Variants in DCC observed in about 807,000 individuals in gnomAD.
DCC encodes DCC netrin 1 receptor, also known as netrin receptor DCC.
A neutral mutation model predicts 172.5 loss-of-function variants in DCC; 58 were observed. That is an observed-to-expected ratio of 0.34 (90% CI 0.27 to 0.42). The LOEUF (loss-of-function observed/expected upper bound fraction) is 0.42. Among genes scored for constraint, DCC ranks in the 10% least tolerant of loss-of-function variants. DCC has a pLI of 1.00. For synonymous variants in DCC, 709 were observed against 644.5 expected, an observed-to-expected ratio of 1.10 and a Z score of -1.52; for missense variants, 1,740 against 1,791.0, an observed-to-expected ratio of 0.97 and a Z score of 0.51.
chr18:52,939,386 T>A (rs369793447), intron 5 of DCC, among the ~76,000 whole-genome samples: 1 of 152,216 alleles, frequency 6.6e-6, no homozygotes, highest in South Asian at 2.1e-4. Flanking sequence ...GTATAACTTA[T>A]CACAGTCTGT....
intron 1 of DCC, among the ~76,000 whole-genome samples, chr18:52,715,039 G>T (rs541927526): frequency 6.6e-6 from 1 of 152,254 alleles, no homozygotes; most frequent in East Asian, 1.9e-4. Flanking sequence ...TGGACTAGCA[G>T]TTAGGAGTAC....
intron 1 of DCC, among the ~76,000 whole-genome samples, chr18:52,676,520 C>A (rs1219676326): frequency 6.6e-6 from 1 of 152,112 alleles, no homozygotes; most frequent in African/African-American, 2.4e-5. Context: ...ACAAACAAGT[C>A]CTAGCTCCTA....
intron 1 of DCC, among the ~76,000 whole-genome samples, chr18:52,430,723 G>T (rs1468453783): frequency 6.6e-6 from 1 of 152,126 alleles, no homozygotes; most frequent in Admixed American, 6.5e-5. Flanking sequence ...TTCCAATAGG[G>T]AATTTCCTAT....
intron 1 of DCC, among the ~76,000 whole-genome samples, chr18:52,532,272 A>T (rs753742265): frequency 1.2e-4 from 19 of 152,202 alleles, no homozygotes; most frequent in Non-Finnish European, 2.4e-4. Context: ...TTTGCATGTG[A>T]TTAATGTGAG....
intron 1 of DCC, among the ~76,000 whole-genome samples, chr18:52,489,831 G>A (rs530055440): frequency 1.3e-4 from 20 of 152,144 alleles, no homozygotes; most frequent in African/African-American, 3.9e-4. Flanking sequence ...TCTAAGACCC[G>A]ACACCACTCA....
chr18:53,318,899 C>T (rs188362013), intron 13 of DCC, among the ~76,000 whole-genome samples: 36 of 152,156 alleles, frequency 2.4e-4, no homozygotes, highest in Non-Finnish European at 4.4e-4. Context: ...GCCCATCAGA[C>T]TAATAGCAGA....
At chr18:52,503,461 A>C (rs762049074) in intron 1 of DCC, among the ~76,000 whole-genome samples, 1 of 152,182 alleles carries the variant, frequency 6.6e-6, no homozygotes, top group Non-Finnish European at 1.5e-5. Context: ...CAATATATTT[A>C]TACATAGATA....
intron 1 of DCC, among the ~76,000 whole-genome samples, chr18:52,442,733 A>T (rs1242575880): frequency 6.6e-6 from 1 of 152,264 alleles, no homozygotes; most frequent in Non-Finnish European, 1.5e-5. Context: ...ATAAGGCTGC[A>T]GAACTTACTA....
intron 7 of DCC, among the ~76,000 whole-genome samples, chr18:53,101,749 A>G (rs2043174787): frequency 6.6e-6 from 1 of 151,930 alleles, no homozygotes; most frequent in African/African-American, 2.4e-5. Flanking sequence ...AGATGCCATC[A>G]AGGTTCTGGT....
intron 15 of DCC, among the ~76,000 whole-genome samples, chr18:53,373,377 CCT>C (rs1568089483): frequency 6.6e-6 from 1 of 151,836 alleles, no homozygotes; most frequent in East Asian, 1.9e-4. Context: ...GTTTTTATCC[CCT>C]CTCTCTCCTC....
At chr18:52,926,861 GTATA>G (rs1389144331) in intron 5 of DCC, among the ~76,000 whole-genome samples, 2 of 143,204 alleles carry the variant, frequency 1.4e-5, no homozygotes, top group Non-Finnish European at 3.1e-5. Context: ...ACGTGTGTGT[GTATA>G]TATACATATA....
chr18:53,128,335 G>A (rs2043595804), intron 7 of DCC, among the ~76,000 whole-genome samples: 1 of 152,058 alleles, frequency 6.6e-6, no homozygotes, highest in African/African-American at 2.4e-5. Context: ...TTGAAGAGAT[G>A]TTGCATAGAA....
chr18:53,160,257 A>G (rs529991291), intron 8 of DCC, among the ~76,000 whole-genome samples: 73 of 152,062 alleles, frequency 4.8e-4, no homozygotes, highest in African/African-American at 1.4e-3. Context: ...GCAACCTCTC[A>G]TTATCTGAGT....
At chr18:52,393,937 A>G (rs145200822) in intron 1 of DCC, among the ~76,000 whole-genome samples, 3 of 152,008 alleles carry the variant, frequency 2.0e-5, no homozygotes, top group Non-Finnish European at 2.9e-5. Flanking sequence ...TGTTTCCTAA[A>G]TGCGTATTTT....
At chr18:52,537,236 T>C (rs1192218445) in intron 1 of DCC, among the ~76,000 whole-genome samples, 1 of 152,110 alleles carries the variant, frequency 6.6e-6, no homozygotes, top group Non-Finnish European at 1.5e-5. Flanking sequence ...AATAAATAAA[T>C]AAATGCAGTA....
intron 12 of DCC, among the ~76,000 whole-genome samples, chr18:53,288,434 T>G (rs1391681476): frequency 6.6e-6 from 1 of 152,122 alleles, no homozygotes; most frequent in African/African-American, 2.4e-5. Context: ...GTTGCATAAT[T>G]GAGGGAAAAT....
chr18:53,518,955 A>AG (rs955385551), intron 27 of DCC, among the ~76,000 whole-genome samples: 3 of 152,170 alleles, frequency 2.0e-5, no homozygotes, highest in African/African-American at 7.2e-5. Context: ...AATAATTTTA[A>AG]GAAAAAAATG....
chr18:53,205,487 T>C (rs1376761843), intron 10 of DCC, 123 bp downstream of exon 10: 12 of 922,608 alleles, frequency 1.3e-5, no homozygotes, highest in Non-Finnish European at 2.2e-5. Flanking sequence ...TGTTAACACA[T>C]TCATTGAAAA....
intron 1 of DCC, among the ~76,000 whole-genome samples, chr18:52,717,590 A>C (rs1045077793): frequency 6.6e-6 from 1 of 152,170 alleles, no homozygotes; most frequent in Non-Finnish European, 1.5e-5. Context: ...CAGAGAGTAC[A>C]GGTGGTCTCT....
Sources: allele counts gnomAD v4.1 joint callset (sites outside exome capture counted in the v4.1 genomes callset), GRCh38; gene constraint gnomAD v4.1.1; transcripts MANE v1.5; gene names NCBI Gene and HGNC (gene_info 2026-07-23, HGNC 2026-07-21).